The following MYO1D variants were observed in gnomAD, a reference collection of about 807,000 sequenced individuals.
The protein encoded by MYO1D is unconventional myosin-Id.
A neutral mutation model predicts 122.0 loss-of-function variants in MYO1D; 83 were observed. The observed-to-expected ratio is 0.68, with a 90% CI of 0.57 to 0.82. The LOEUF (loss-of-function observed/expected upper bound fraction) is 0.82. Among genes scored for constraint, MYO1D ranks in the 40% least tolerant of loss-of-function variants. The pLI, the probability that MYO1D is intolerant of heterozygous loss-of-function variation, is 0.00. For synonymous variants in MYO1D, 464 were observed against 446.9 expected, an observed-to-expected ratio of 1.04 and a Z score of -0.48; for missense variants, 1,157 against 1,269.5, an observed-to-expected ratio of 0.91 and a Z score of 1.35.
chr17:32,726,151 G>T (rs180962559), intron 14 of MYO1D, among the ~76,000 whole-genome samples: 1 of 152,324 alleles, frequency 6.6e-6, no homozygotes, highest in East Asian at 1.9e-4. Context: ...GGGTGCAGTG[G>T]CTCACGCCTG....
chr17:32,540,514 T>C (rs541465439), intron 21 of MYO1D, among the ~76,000 whole-genome samples: 3 of 152,126 alleles, frequency 2.0e-5, no homozygotes, highest in East Asian at 3.9e-4. Flanking sequence ...TAAAAGAAGA[T>C]ATACAAATAG....
chr17:32,685,216 A>AT (rs1684976128), intron 16 of MYO1D, among the ~76,000 whole-genome samples: 1 of 152,204 alleles, frequency 6.6e-6, no homozygotes, highest in Non-Finnish European at 1.5e-5. Context: ...AAGAAAAAAA[A>AT]TTAGACTGGG....
At chr17:32,762,208 C>A (rs1180665379) in intron 8 of MYO1D, among the ~76,000 whole-genome samples, 1 of 151,916 alleles carries the variant, frequency 6.6e-6, no homozygotes, top group East Asian at 1.9e-4. Flanking sequence ...TGCACAGGCC[C>A]TGTGACTGGA....
At chr17:32,613,321 A>C (rs900202613) in intron 20 of MYO1D, among the ~76,000 whole-genome samples, 7 of 152,200 alleles carry the variant, frequency 4.6e-5, no homozygotes, top group Admixed American at 1.3e-4. Context: ...AAACCTGCTG[A>C]ATCTCTCTCT....
rs1443138374 is a variant in MYO1D at position 32,755,657 on chromosome 17, G to A, written c.1302C>T (p.Asp434=). 2.5e-6 allele frequency: 4 copies of A among 1,613,010 alleles called. No homozygotes were observed. In the Admixed American group the frequency reaches 6.7e-5, roughly 27 times the overall value. The change falls in exon 11 of 22, where the codon GAC becomes GAT. Residue 434 remains aspartate (D), a synonymous_variant. Coordinates refer to ENST00000318217, the MANE Select transcript of MYO1D (RefSeq NM_015194.3). ...QREGIPWKHI[D]YFNNQIIVDL... Reference sequence around the variant, plus strand: ...CAACAATGATCTGATTGTTGAAGTAGTCAATCTGTAGGACACAGCAAGGAG... The same window carrying A: ...CAACAATGATCTGATTGTTGAAGTAATCAATCTGTAGGACACAGCAAGGAG...
At position 32,738,340 on chromosome 17, in the gene MYO1D, G is replaced by T. The variant is rs2057203375; in HGVS notation, c.1659C>A (p.Ser553Arg). The change falls in exon 14 of 22, where the codon AGC becomes AGA. Residue 553 changes from serine to arginine, a missense_variant. By Grantham distance (110) the Ser-to-Arg change is moderately radical. Transcript: ENST00000318217. ...GAGGTCGCTTGGTCACCTCTGTAAT[G>T]CTCAGTTTGCCTTCAGGCCACATAT... The part of the protein sequence containing the change: ...LKNMWPEGKL[S>R]ITEVTKRPLT... 6.2e-7 allele frequency: 1 copy of T among 1,605,230 alleles called. No homozygotes were observed. The highest frequency in any genetic ancestry group is 1.1e-5 in the South Asian group (1 of 88,474).
In MYO1D at chr17:32,518,274, C is replaced by T. The variant is rs568459793; in HGVS notation, c.2865-23359G>A. On this transcript the variant is annotated intron_variant, in intron 21 of 21. Transcript: ENST00000318217. Reference sequence around the variant, plus strand: ...ATGCATAAGCCAGGTCTTGCTCCTGCCCTCATGGAGCTCAGAGCCTGGTGT... The same window carrying T: ...ATGCATAAGCCAGGTCTTGCTCCTGTCCTCATGGAGCTCAGAGCCTGGTGT... The T allele has an allele frequency of 4.3e-5, 7 of 163,068 alleles. No individual in the cohort carries two copies. In the South Asian group the frequency reaches 9.8e-4, roughly 23 times the overall value. 10.1% of individuals were successfully genotyped at this position (163,068 alleles called of 1,614,324 possible). A position where few individuals can be genotyped will look rare whatever the true frequency, so the allele number is the denominator to read the frequency against.
chr17:32,839,745 T>C (rs991485812), intron 1 of MYO1D, among the ~76,000 whole-genome samples: 2 of 152,188 alleles, frequency 1.3e-5, no homozygotes, highest in Non-Finnish European at 2.9e-5. Context: ...TTTTTAGGCC[T>C]GTATTTACTC....
intron 20 of MYO1D, among the ~76,000 whole-genome samples, chr17:32,633,761 T>C (rs1394606540): frequency 2.0e-5 from 3 of 152,072 alleles, no homozygotes; most frequent in Non-Finnish European, 4.4e-5. Flanking sequence ...CTGTCTAAAA[T>C]ACTTTCCACC....
intron 20 of MYO1D, among the ~76,000 whole-genome samples, chr17:32,606,559 A>G (rs1404446615): frequency 6.6e-6 from 1 of 152,246 alleles, no homozygotes; most frequent in Non-Finnish European, 1.5e-5. Context: ...AAATTAATCA[A>G]GGTAATGACA....
intron 1 of MYO1D, among the ~76,000 whole-genome samples, chr17:32,868,204 A>T (rs758844221): frequency 1.3e-5 from 2 of 152,186 alleles, no homozygotes; most frequent in Non-Finnish European, 1.5e-5. Context: ...CAGGGAATGG[A>T]GCAGAGACAG....
chr17:32,741,431 T>C (rs1217301530), intron 13 of MYO1D, among the ~76,000 whole-genome samples: 2 of 151,628 alleles, frequency 1.3e-5, no homozygotes, highest in Non-Finnish European at 2.9e-5. Context: ...AGGCCTTTCC[T>C]ATTATGGAAT....
chr17:32,861,614 G>A (rs2091078256), intron 1 of MYO1D, among the ~76,000 whole-genome samples: 1 of 152,086 alleles, frequency 6.6e-6, no homozygotes, highest in Non-Finnish European at 1.5e-5. Flanking sequence ...GCAAAGTGTG[G>A]TCCCTGATGA....
chr17:32,657,612 T>C (rs977371476), intron 17 of MYO1D, among the ~76,000 whole-genome samples: 3 of 152,248 alleles, frequency 2.0e-5, no homozygotes, highest in Non-Finnish European at 2.9e-5. Context: ...ACAGAACAAA[T>C]GTAGCAGACC....
At chr17:32,513,169 G>A (rs1271399423) in intron 21 of MYO1D, among the ~76,000 whole-genome samples, 2 of 152,164 alleles carry the variant, frequency 1.3e-5, no homozygotes, top group Admixed American at 6.5e-5. Flanking sequence ...GCTTAATAAA[G>A]AGCCAATACA....
intron 16 of MYO1D, among the ~76,000 whole-genome samples, chr17:32,659,742 A>G (rs1383158823): frequency 6.6e-6 from 1 of 152,224 alleles, no homozygotes; most frequent in Non-Finnish European, 1.5e-5. Context: ...CTAACTTTAC[A>G]TAGATTATAC....
Position 32,811,691 on chromosome 17 carries a change from T to C in MYO1D, c.96-30907A>G, listed in dbSNP as rs147275489. On this transcript the variant is annotated intron_variant, in intron 1 of 21. Transcript: ENST00000318217. The stretch of plus-strand genomic sequence containing the variant: ...CAGGTGTTCATCCCTCACCAAGCCA[T>C]GTGTTCCAGAAATGGAATGCTATCC... Among the ~76,000 whole-genome samples the C allele has an allele frequency of 9.1e-5, 12 of 131,464 alleles. No homozygotes were observed. The Admixed American group carries it at 9.3e-4, about 10-fold the overall frequency. The allele number at this position is 131,464 out of a possible 152,430, so 86.2% of individuals were successfully genotyped here.
intron 21 of MYO1D, among the ~76,000 whole-genome samples, chr17:32,591,709 T>C (rs1435617058): frequency 2.0e-5 from 3 of 151,880 alleles, no homozygotes; most frequent in African/African-American, 4.8e-5. Context: ...CATCAGCAAA[T>C]TGGCCATATG....
intron 1 of MYO1D, among the ~76,000 whole-genome samples, chr17:32,800,073 T>G (rs2090448079): frequency 6.6e-6 from 1 of 152,200 alleles, no homozygotes; most frequent in Non-Finnish European, 1.5e-5. Context: ...AAGGGAACCC[T>G]TGTACACTGT....
Sources: allele counts gnomAD v4.1 joint callset (sites outside exome capture counted in the v4.1 genomes callset), GRCh38; gene constraint gnomAD v4.1.1; transcripts MANE v1.5; gene names NCBI Gene and HGNC (gene_info 2026-07-23, HGNC 2026-07-21).